Variants in TBCEL observed in about 807,000 individuals in gnomAD.
TBCEL encodes tubulin folding cofactor E like.
Under a neutral mutation model 44.2 loss-of-function variants are expected in TBCEL, and 15 were observed. The observed-to-expected ratio is 0.34, with a 90% confidence interval of 0.23 to 0.52. The LOEUF is 0.52. Among genes scored for constraint, TBCEL ranks in the 20% least tolerant of loss-of-function variants. The pLI is 0.95. For missense variants in TBCEL, 319 were observed against 506.3 expected, an observed-to-expected ratio of 0.63 and a Z score of 3.55; for synonymous variants, 171 against 185.4, an observed-to-expected ratio of 0.92 and a Z score of 0.63.
intron 8 of TBCEL, among the ~76,000 whole-genome samples, chr11:121,073,029 A>G (rs966279335): frequency 2.0e-5 from 3 of 152,094 alleles, no homozygotes; most frequent in African/African-American, 7.2e-5. Context: ...CCCTTGTACT[A>G]TTACAACATT....
intron 3 of TBCEL, among the ~76,000 whole-genome samples, 184 bp from the exon 4 acceptor site, chr11:121,047,344 G>A (rs1431307611): frequency 6.6e-6 from 1 of 151,920 alleles, no homozygotes; most frequent in African/African-American, 2.4e-5. Context: ...CTCCTCCTGG[G>A]CAATAACTGG....
intron 2 of TBCEL, among the ~76,000 whole-genome samples, chr11:121,044,665 A>C (rs973627074): frequency 2.6e-5 from 4 of 152,072 alleles, no homozygotes; most frequent in African/African-American, 9.7e-5. Context: ...CCCCTTAAGT[A>C]ATGAGTTATC....
At chr11:121,078,668 G>A (rs1293677730) in intron 8 of TBCEL, among the ~76,000 whole-genome samples, 1 of 152,070 alleles carries the variant, frequency 6.6e-6, no homozygotes, top group East Asian at 1.9e-4. Context: ...CTTCAAGCAG[G>A]GAACCTGTCT....
At chr11:121,038,786 GT>G (rs879294503) in intron 2 of TBCEL, among the ~76,000 whole-genome samples, 35 of 151,686 alleles carry the variant, frequency 2.3e-4, no homozygotes, top group Admixed American at 2.3e-3. Flanking sequence ...CTTAATCCTA[GT>G]TTTTTTTCCA....
chr11:121,077,079 A>T (rs898292523), intron 8 of TBCEL, among the ~76,000 whole-genome samples: 1 of 151,946 alleles, frequency 6.6e-6, no homozygotes, highest in Non-Finnish European at 1.5e-5. Context: ...TTTTGTGTTT[A>T]TGCTTATAAA....
At chr11:121,066,210 A>G (rs1215326738) in intron 8 of TBCEL, among the ~76,000 whole-genome samples, 1 of 152,194 alleles carries the variant, frequency 6.6e-6, no homozygotes, top group Non-Finnish European at 1.5e-5. Context: ...GCTGGACTTC[A>G]TTGCCCTCAG....
At chr11:121,025,715 G>C (rs1945033534) in intron 1 of TBCEL, among the ~76,000 whole-genome samples, 1 of 137,404 alleles carries the variant, frequency 7.3e-6, no homozygotes, top group South Asian at 2.4e-4. Flanking sequence ...TAAGGAGATG[G>C]ATTTTTTTTT....
In TBCEL at chr11:121,088,450, T is replaced by C. The variant is rs906510597; in HGVS notation, c.*1354T>C. The C allele has an allele frequency of 7.2e-5, 11 of 152,186 alleles. No individual in the cohort carries two copies. The highest frequency in any genetic ancestry group is 2.1e-4 in the South Asian group (1 of 4,832). The allele number at this position is 152,186 out of a possible 1,614,324, so 9.4% of individuals were successfully genotyped here. A position where few individuals can be genotyped will look rare whatever the true frequency, so the allele number is the denominator to read the frequency against. On this transcript the variant is annotated 3_prime_UTR_variant, in exon 9 of 9. Transcript: ENST00000683345. ...GAAATCTTTTTGTTTGTTCTTCTATTCCTTTGTTAATCAGATGTAATCCCT... is the reference window on the plus strand; with the variant it reads ...GAAATCTTTTTGTTTGTTCTTCTATCCCTTTGTTAATCAGATGTAATCCCT...
At chr11:121,074,961 A>G (rs768211668) in intron 8 of TBCEL, among the ~76,000 whole-genome samples, 3 of 152,004 alleles carry the variant, frequency 2.0e-5, no homozygotes, top group Non-Finnish European at 4.4e-5. Flanking sequence ...ACCACAGTAC[A>G]GTATCACAAC....
intron 2 of TBCEL, among the ~76,000 whole-genome samples, chr11:121,040,754 C>A (rs1191322230): frequency 2.0e-5 from 3 of 151,962 alleles, no homozygotes; most frequent in African/African-American, 7.2e-5. Flanking sequence ...TAGGTCATTT[C>A]CAGATATGTT....
intron 1 of TBCEL, among the ~76,000 whole-genome samples, chr11:121,028,992 AT>A (rs1355989164): frequency 1.3e-5 from 2 of 152,092 alleles, no homozygotes; most frequent in Non-Finnish European, 2.9e-5. Context: ...CCAATTCTTT[AT>A]TTTCTAGCCG....
intron 7 of TBCEL, among the ~76,000 whole-genome samples, chr11:121,059,655 G>T: frequency 6.6e-6 from 1 of 151,616 alleles, no homozygotes; most frequent in South Asian, 2.1e-4. Flanking sequence ...TTAAAAATGC[G>T]GCCATTAAAG....
chr11:121,052,391 A>G (rs921690641), intron 4 of TBCEL, among the ~76,000 whole-genome samples: 3 of 151,902 alleles, frequency 2.0e-5, no homozygotes, highest in East Asian at 1.9e-4. Context: ...TATTTTCCCT[A>G]TTTTACAAAT....
At chr11:121,052,992 T>C (rs1945556472) in intron 4 of TBCEL, among the ~76,000 whole-genome samples, 1 of 146,250 alleles carries the variant, frequency 6.8e-6, no homozygotes, top group African/African-American at 2.6e-5. Context: ...TAGTTACGGA[T>C]TTTTTTTTTG....
At chr11:121,037,778 T>C (rs921823791) in intron 2 of TBCEL, among the ~76,000 whole-genome samples, 1 of 152,190 alleles carries the variant, frequency 6.6e-6, no homozygotes, top group African/African-American at 2.4e-5. Flanking sequence ...CATGTGCTTG[T>C]GAAATCTAAA....
At chr11:121,080,275 G>A (rs750812698) in intron 8 of TBCEL, among the ~76,000 whole-genome samples, 4 of 152,108 alleles carry the variant, frequency 2.6e-5, no homozygotes, top group African/African-American at 4.8e-5. Flanking sequence ...TAAAGACTTC[G>A]GTTGATTCAA....
At chr11:121,047,124 G>C (rs1207405555) in intron 3 of TBCEL, among the ~76,000 whole-genome samples, 1 of 152,022 alleles carries the variant, frequency 6.6e-6, no homozygotes, top group Admixed American at 6.6e-5. Context: ...GAGCCATCCA[G>C]AATACTTTGG....
At chr11:121,080,361 A>T (rs1045328646) in intron 8 of TBCEL, among the ~76,000 whole-genome samples, 2 of 152,212 alleles carry the variant, frequency 1.3e-5, no homozygotes, top group Non-Finnish European at 2.9e-5. Context: ...ACCCATGAAT[A>T]CACCTCTAGA....
rs79320408 is a variant in TBCEL at position 121,029,400 on chromosome 11, A to T, written c.-126+5109A>T. 2.8e-3 allele frequency among the ~76,000 whole-genome samples: 424 copies of T among 152,260 alleles called. 4 individuals carry two copies. The highest frequency in any genetic ancestry group is 9.4e-3 in the African/African-American group (392 of 41,542). ...AACTAGTTTATTGACCACTTACTTC[A>T]TGCCAGGTACTTAACTAGATGCTTC... is the stretch of plus-strand genomic sequence containing the variant. On this transcript the variant is annotated intron_variant, in intron 1 of 8. Coordinates refer to ENST00000683345, the MANE Select transcript of TBCEL (RefSeq NM_001363644.2).
Sources: gnomAD v4.1 joint callset for allele counts (sites outside exome capture counted in the v4.1 genomes callset) on GRCh38, gnomAD v4.1.1 for gene constraint, MANE v1.5 for transcripts, NCBI Gene and HGNC (gene_info 2026-07-23, HGNC 2026-07-21) for gene names.